The following PLCH1 variants were observed in gnomAD, a reference collection of about 807,000 sequenced individuals.
The protein encoded by PLCH1 is phospholipase C eta 1.
PLCH1 carries 60 observed loss-of-function variants against 126.7 expected under a neutral mutation model. The observed-to-expected ratio is 0.47, with a 90% CI of 0.38 to 0.59. The LOEUF (loss-of-function observed/expected upper bound fraction) is 0.59. PLCH1 is among the 20% of genes least tolerant of loss of function. The pLI, the probability that PLCH1 is intolerant of heterozygous loss-of-function variation, is 0.00. For missense variants in PLCH1, 1,723 were observed against 2,040.0 expected, an observed-to-expected ratio of 0.84 and a Z score of 2.99; for synonymous variants, 719 against 734.9, an observed-to-expected ratio of 0.98 and a Z score of 0.35.
intron 2 of PLCH1, among the ~76,000 whole-genome samples, chr3:155,673,860 T>C (rs1743809229): frequency 6.6e-6 from 1 of 152,234 alleles, no homozygotes; most frequent in South Asian, 2.1e-4. Context: ...ACCAAAGTTC[T>C]AGGTCAAAGT....
chr3:155,686,161 A>G (rs1312226236), intron 2 of PLCH1, among the ~76,000 whole-genome samples: 1 of 152,192 alleles, frequency 6.6e-6, no homozygotes, highest in East Asian at 1.9e-4. Flanking sequence ...AAGAGAGTGT[A>G]CAAGTACACA....
chr3:155,735,175 A>T (rs1409320469), intron 1 of PLCH1, among the ~76,000 whole-genome samples: 3 of 152,184 alleles, frequency 2.0e-5, no homozygotes, highest in African/African-American at 7.2e-5. Context: ...TCATAGAAGG[A>T]AAGAGTAGAA....
At chr3:155,531,609 A>G (rs1722691505) in intron 10 of PLCH1, among the ~76,000 whole-genome samples, 1 of 152,212 alleles carries the variant, frequency 6.6e-6, no homozygotes, top group African/African-American at 2.4e-5. Flanking sequence ...TGGGTGACAG[A>G]GTGATACTCC....
At chr3:155,520,807 A>G (rs1490404321) in intron 11 of PLCH1, among the ~76,000 whole-genome samples, 3 of 152,226 alleles carry the variant, frequency 2.0e-5, no homozygotes, top group African/African-American at 4.8e-5. Flanking sequence ...GATTTTCTCT[A>G]TGGCTGGAGC....
intron 2 of PLCH1, among the ~76,000 whole-genome samples, chr3:155,673,143 C>T (rs573611537): frequency 2.1e-5 from 3 of 141,478 alleles, no homozygotes; most frequent in African/African-American, 8.0e-5. Context: ...CCTTGCTACT[C>T]CTTCAGCTTC....
At chr3:155,573,007 C>CA (rs1469255009) in intron 6 of PLCH1, among the ~76,000 whole-genome samples, 3 of 152,158 alleles carry the variant, frequency 2.0e-5, no homozygotes, top group Non-Finnish European at 4.4e-5. Flanking sequence ...CTTGGCCTCC[C>CA]AATGTGCTGG....
At position 155,741,684 on chromosome 3, in the gene PLCH1, C is replaced by CTTTTTTTTTTTTTT. The variant is rs71624571; in HGVS notation, c.-41+3142_-41+3155dup. 3.2e-3 allele frequency among the ~76,000 whole-genome samples: 332 copies of CTTTTTTTTTTTTTT among 102,832 alleles called. 11 individuals are homozygous for CTTTTTTTTTTTTTT. Among genetic ancestry groups the CTTTTTTTTTTTTTT allele is most frequent in the African/African-American group, 6.7e-3 (139 of 20,888 alleles). The allele number at this position is 102,832 out of a possible 152,430, so 67.5% of individuals were successfully genotyped here. On this transcript the variant is annotated intron_variant, in intron 1 of 22. Transcript: ENST00000460012. ...TCCTTTTATCATAATTTTATATCCT[C>CTTTTTTTTTTTTTT]TTTTTTTTTTTTTTTTTTTTGTTCA...
chr3:155,738,217 A>C (rs1749341655), intron 1 of PLCH1, among the ~76,000 whole-genome samples: 1 of 152,224 alleles, frequency 6.6e-6, no homozygotes. Context: ...GCAGAGGCTG[A>C]ATTCCAAGAC....
chr3:155,477,231 G>GC (rs1713583224), downstream of PLCH1, among the ~76,000 whole-genome samples: 2 of 151,896 alleles, frequency 1.3e-5, no homozygotes, highest in Admixed American at 6.6e-5. Context: ...CCTACCTCTC[G>GC]CCATATACAA....
At chr3:155,551,934 C>T (rs1196227532) in intron 9 of PLCH1, among the ~76,000 whole-genome samples, 1 of 152,174 alleles carries the variant, frequency 6.6e-6, no homozygotes, top group Non-Finnish European at 1.5e-5. Context: ...GCCTTCTCAA[C>T]ACCCTACTTC....
chr3:155,601,314 A>G (rs1165003173), intron 2 of PLCH1, among the ~76,000 whole-genome samples: 1 of 152,154 alleles, frequency 6.6e-6, no homozygotes, highest in African/African-American at 2.4e-5. Flanking sequence ...TAAAATAATT[A>G]AAGTCAATCC....
intron 12 of PLCH1, among the ~76,000 whole-genome samples, chr3:155,512,944 C>T (rs1719789926): frequency 6.6e-6 from 1 of 152,186 alleles, no homozygotes; most frequent in Non-Finnish European, 1.5e-5. Context: ...ATAAAGAAAG[C>T]AGCAGATTCC....
chr3:155,721,982 G>A (rs1029474598), intron 1 of PLCH1, among the ~76,000 whole-genome samples: 20 of 152,016 alleles, frequency 1.3e-4, no homozygotes, highest in African/African-American at 4.6e-4. Flanking sequence ...GGGAGATGGA[G>A]GTTGTACTGA....
chr3:155,680,307 C>T (rs545595737), intron 2 of PLCH1, among the ~76,000 whole-genome samples: 3 of 151,962 alleles, frequency 2.0e-5, no homozygotes, highest in South Asian at 2.1e-4. Flanking sequence ...TGCTTGAACC[C>T]GGGAGGCAGA....
At chr3:155,476,533 T>C (rs1473617493), downstream of PLCH1, among the ~76,000 whole-genome samples, 1 of 152,160 alleles carries the variant, frequency 6.6e-6, no homozygotes. Context: ...TATGATCTTA[T>C]ATTTAGAAAA....
intron 21 of PLCH1, among the ~76,000 whole-genome samples, chr3:155,470,934 C>G (rs1713192330): frequency 6.6e-6 from 1 of 152,016 alleles, no homozygotes; most frequent in Admixed American, 6.6e-5. Context: ...AAGCGCTAAA[C>G]ATGGAAAGGA....
At chr3:155,516,754 A>G (rs1411797830) in intron 11 of PLCH1, among the ~76,000 whole-genome samples, 1 of 151,896 alleles carries the variant, frequency 6.6e-6, no homozygotes, top group Non-Finnish European at 1.5e-5. Flanking sequence ...CTCATTTTGT[A>G]TTAAAAAAAA....
intron 2 of PLCH1, among the ~76,000 whole-genome samples, chr3:155,660,935 G>A (rs1294513560): frequency 6.6e-6 from 1 of 152,074 alleles, no homozygotes; most frequent in Admixed American, 6.6e-5. Context: ...ATTCCATATA[G>A]CTGAAATACC....
chr3:155,467,816 C>T (rs115468629), intron 21 of PLCH1, among the ~76,000 whole-genome samples: 1,639 of 152,252 alleles, frequency 0.011, 25 homozygotes, highest in African/African-American at 0.038. Context: ...TGATGGACTT[C>T]CTCAATACCA....
Sources: allele counts gnomAD v4.1 joint callset (sites outside exome capture counted in the v4.1 genomes callset), GRCh38; gene constraint gnomAD v4.1.1; transcripts MANE v1.5; gene names NCBI Gene and HGNC (gene_info 2026-07-23, HGNC 2026-07-21).